The following SLC9A2 variants were observed in gnomAD, a reference collection of about 807,000 sequenced individuals.
SLC9A2 encodes the protein solute carrier family 9 member A2.
In SLC9A2, 42 loss-of-function variants were observed where a neutral mutation model predicts 71.7. That is an observed-to-expected ratio of 0.59 (90% CI 0.46 to 0.76). The LOEUF is 0.76. Among genes scored for constraint, SLC9A2 ranks in the 30% least tolerant of loss-of-function variants. The pLI, the probability that SLC9A2 is intolerant of heterozygous loss-of-function variation, is 0.00. For synonymous variants in SLC9A2, 396 were observed against 392.5 expected (o/e 1.01, Z -0.10); for missense variants, 829 against 1,017.4 (o/e 0.81, Z 2.52).
chr2:102,653,347 A>C (rs1676871698), intron 1 of SLC9A2, among the ~76,000 whole-genome samples: 1 of 152,212 alleles, frequency 6.6e-6, no homozygotes, highest in East Asian at 1.9e-4. Flanking sequence ...TTCAACAAGC[A>C]TCCCTGGGTT....
intron 1 of SLC9A2, 33 bp from the exon 2 acceptor site, chr2:102,657,531 C>A (rs752041941): frequency 1.4e-6 from 2 of 1,478,460 alleles, no homozygotes; most frequent in South Asian, 1.3e-5. Context: ...CCTCCATAAC[C>A]CAAGTTGTGT....
chr2:102,680,519 T>A (rs1385871793), intron 3 of SLC9A2, among the ~76,000 whole-genome samples: 3 of 152,010 alleles, frequency 2.0e-5, no homozygotes, highest in East Asian at 3.9e-4. Context: ...GGATTTCACG[T>A]CAAGTCAGTG....
chr2:102,690,217 G>A (rs1490054472), intron 5 of SLC9A2, among the ~76,000 whole-genome samples: 4 of 152,200 alleles, frequency 2.6e-5, no homozygotes, highest in Non-Finnish European at 4.4e-5. Context: ...GGGTTACACA[G>A]GAAGGAGAGA....
At chr2:102,678,103 T>C (rs1339300252) in intron 3 of SLC9A2, among the ~76,000 whole-genome samples, 2 of 152,220 alleles carry the variant, frequency 1.3e-5, no homozygotes, top group African/African-American at 4.8e-5. Context: ...CCTGCACTTC[T>C]ATAGTATCTT....
At chr2:102,660,630 C>G (rs981842323) in intron 2 of SLC9A2, among the ~76,000 whole-genome samples, 1 of 152,178 alleles carries the variant, frequency 6.6e-6, no homozygotes. Flanking sequence ...TTCTTTGATT[C>G]ATTCATTCAG....
intron 1 of SLC9A2, among the ~76,000 whole-genome samples, chr2:102,648,809 G>A (rs6749731): frequency 0.066 from 10,066 of 151,628 alleles, 1,080 homozygotes; most frequent in African/African-American, 0.23. Context: ...GATAACTACA[G>A]ACCACTGCTC....
intron 3 of SLC9A2, among the ~76,000 whole-genome samples, chr2:102,679,289 G>A (rs567275141): frequency 3.9e-5 from 6 of 152,222 alleles, no homozygotes; most frequent in Admixed American, 1.3e-4. Flanking sequence ...TCTTGGTATC[G>A]TGTTAAGGAT....
chr2:102,708,132 C>A lies in SLC9A2; in HGVS notation c.2082C>A (p.Ser694Arg). The A allele has an allele frequency of 3.1e-6, 5 of 1,611,502 alleles. No homozygotes were observed. The highest frequency in any genetic ancestry group is 4.2e-6 in the Non-Finnish European group (5 of 1,178,908). The change falls in exon 12 of 12, where the codon AGC becomes AGA. Residue 694 changes from serine to arginine, a missense_variant. By Grantham distance (110) the Ser-to-Arg change is moderately radical. Transcript: ENST00000233969. ...RTISIADGNS[S>R]DSDADAGTTV... ...GCTCCGTGATAGATGGCAATAGCAG[C>A]GACTCAGACGCAGATGCCGGGACCA...
Position 102,694,418 on chromosome 2 carries a change from T to A in SLC9A2, c.1430T>A (p.Ile477Lys). 6.9e-7 allele frequency: 1 copy of A among 1,457,720 alleles called. No individual in the cohort carries two copies. The highest frequency in any genetic ancestry group is 1.5e-5 in the South Asian group (1 of 65,548). The allele number at this position is 1,457,720 out of a possible 1,614,324, so 90.3% of individuals were successfully genotyped here. A position where few individuals can be genotyped will look rare whatever the true frequency, so the allele number is the denominator to read the frequency against. The change falls in exon 6 of 12, where the codon ATA (isoleucine) becomes AAA (lysine). Residue 477 changes from isoleucine to lysine, a missense_variant. Physicochemically the swap from Ile to Lys is moderately radical, Grantham distance 102 (BLOSUM62 -3). This residue lies in a region of SLC9A2 where 500 missense variants were observed against 726.3 expected (regional missense o/e 0.69). Coordinates refer to ENST00000233969, the MANE Select transcript of SLC9A2 (RefSeq NM_003048.6). ...TAAATTGTGTTTCCTGTTCAGGGAA[T>A]AACTATTCGACCACTGGTGGAGTTT... ...VIFFTVFILG[I>K]TIRPLVEFLD...
At chr2:102,698,797 C>T (rs532797307) in intron 7 of SLC9A2, among the ~76,000 whole-genome samples, 37 of 152,302 alleles carry the variant, frequency 2.4e-4, no homozygotes, top group Middle Eastern at 3.4e-3. Context: ...CTGCTAATAG[C>T]CCACTGACCA....
At chr2:102,636,000 A>G (rs1436471395) in intron 1 of SLC9A2, among the ~76,000 whole-genome samples, 6 of 152,104 alleles carry the variant, frequency 3.9e-5, no homozygotes, top group Non-Finnish European at 5.9e-5. Context: ...ACAAATGAGT[A>G]TAATTGGCAA....
chr2:102,674,829 C>A (rs1225275855), intron 3 of SLC9A2, among the ~76,000 whole-genome samples: 1 of 152,228 alleles, frequency 6.6e-6, no homozygotes, highest in African/African-American at 2.4e-5. Flanking sequence ...TCTCTCTCAA[C>A]TTTGTGTCCC....
In SLC9A2 at chr2:102,681,342, G is replaced by A. The variant is rs1251811772; in HGVS notation, c.1005-1919G>A. 5.3e-5 allele frequency among the ~76,000 whole-genome samples: 8 copies of A among 151,052 alleles called. No homozygotes were observed. The East Asian group carries it at 9.6e-4, about 18-fold the overall frequency. On this transcript the variant is annotated intron_variant, in intron 3 of 11. Transcript: ENST00000233969. Reference sequence around the variant, plus strand: ...CTGCCTTGGCCTCCCAAACTGCTGGGATGACAGGTGTGAGCCACCATGCCC... The same window carrying A: ...CTGCCTTGGCCTCCCAAACTGCTGGAATGACAGGTGTGAGCCACCATGCCC...
chr2:102,695,317 T>C (rs1417734194), intron 7 of SLC9A2, among the ~76,000 whole-genome samples: 1 of 152,168 alleles, frequency 6.6e-6, no homozygotes, highest in East Asian at 1.9e-4. Context: ...CTTCTGTAAA[T>C]AGCCAGAGAT....
In SLC9A2 at chr2:102,635,176, G is replaced by A. The variant is rs1168654128; in HGVS notation, c.289+15039G>A. On this transcript the variant is annotated intron_variant, in intron 1 of 11. Coordinates refer to ENST00000233969, the MANE Select transcript of SLC9A2 (RefSeq NM_003048.6). ...ATCACCAGTATTCTAAGGCAGAAGC[G>A]TGCATCGGCTGACTGTACATTTTCT... Among the ~76,000 whole-genome samples the A allele has an allele frequency of 6.6e-5, 10 of 152,328 alleles. No homozygotes were observed. In the East Asian group the frequency reaches 1.3e-3, roughly 21 times the overall value.
intron 4 of SLC9A2, 66 bp from the exon 5 acceptor site, chr2:102,684,068 A>T: frequency 1.8e-6 from 2 of 1,137,482 alleles, no homozygotes; most frequent in Non-Finnish European, 2.6e-6. Context: ...ACAGAAAATG[A>T]GTCTATGTAT....
intron 8 of SLC9A2, 65 bp downstream of exon 8, chr2:102,701,296 G>T (rs1677869942): frequency 8.4e-7 from 1 of 1,192,892 alleles, no homozygotes; most frequent in Non-Finnish European, 1.2e-6. Flanking sequence ...TTTTGAAACT[G>T]GTAATAATAA....
chr2:102,643,506 C>A (rs2104509715), intron 1 of SLC9A2, among the ~76,000 whole-genome samples: 1 of 152,268 alleles, frequency 6.6e-6, no homozygotes, highest in Admixed American at 6.5e-5. Context: ...TTGCCTGTGC[C>A]CATTGGCATT....
chr2:102,684,879 T>C (rs893299968), intron 5 of SLC9A2, among the ~76,000 whole-genome samples: 10 of 152,228 alleles, frequency 6.6e-5, no homozygotes, highest in African/African-American at 2.4e-4. Flanking sequence ...AAATATTTCC[T>C]GGACTCCTGC....
Sources: gnomAD v4.1 joint callset for allele counts (sites outside exome capture counted in the v4.1 genomes callset) on GRCh38, gnomAD v4.1.1 for gene constraint, gnomAD v4.1.1 regional missense constraint, MANE v1.5 for transcripts, NCBI Gene and HGNC (gene_info 2026-07-23, HGNC 2026-07-21) for gene names.